HPSE2: variants seen among roughly 807,000 people sequenced by gnomAD.
HPSE2 encodes the protein inactive heparanase-2.
A neutral mutation model predicts 60.5 loss-of-function variants in HPSE2; 38 were observed. That is an observed-to-expected ratio of 0.63 (90% CI 0.48 to 0.82). The LOEUF (loss-of-function observed/expected upper bound fraction) is 0.82, where lower values mean the gene tolerates loss of function less well. Among genes scored for constraint, HPSE2 ranks in the 40% least tolerant of loss-of-function variants. HPSE2 has a pLI of 0.00. For synonymous variants in HPSE2, 295 were observed against 293.2 expected (o/e 1.01, Z -0.06); for missense variants, 713 against 740.4 (o/e 0.96, Z 0.43).
At chr10:98,924,039 G>T (rs1198293630) in intron 3 of HPSE2, among the ~76,000 whole-genome samples, 1 of 152,152 alleles carries the variant, frequency 6.6e-6, no homozygotes, top group Non-Finnish European at 1.5e-5. Flanking sequence ...ATTTGTGCCT[G>T]TCTTTCTTGG....
intron 11 of HPSE2, 114 bp downstream of exon 11, chr10:98,482,522 A>T: frequency 7.7e-7 from 1 of 1,306,578 alleles, no homozygotes; most frequent in Non-Finnish European, 1.1e-6. Flanking sequence ...TCTTTGTCCT[A>T]CTCCATCCCA....
At chr10:98,746,093 C>T (rs1318232138) in intron 3 of HPSE2, among the ~76,000 whole-genome samples, 1 of 138,512 alleles carries the variant, frequency 7.2e-6, no homozygotes, top group East Asian at 2.0e-4. Flanking sequence ...TTATATCATA[C>T]TCTACCCAGA....
Position 99,194,930 on chromosome 10 carries a change from A to T in HPSE2, c.448+37418T>A, listed in dbSNP as rs140712498. Among the ~76,000 whole-genome samples the T allele has an allele frequency of 8.5e-4, 129 of 152,048 alleles. 2 individuals are homozygous for T. The East Asian group carries it at 0.017, about 20-fold the overall frequency. On this transcript the variant is annotated intron_variant, in intron 2 of 11. Coordinates refer to ENST00000370552, the MANE Select transcript of HPSE2 (RefSeq NM_021828.5). ...TCTTGATACCAAAACCAGACATATTAAAAAAAGAAAACTACAGGCCAAAAT... is the reference window on the plus strand; with the variant it reads ...TCTTGATACCAAAACCAGACATATTTAAAAAAGAAAACTACAGGCCAAAAT...
At chr10:98,938,580 C>T (rs1281815283) in intron 3 of HPSE2, among the ~76,000 whole-genome samples, 1 of 143,822 alleles carries the variant, frequency 7.0e-6, no homozygotes, top group Non-Finnish European at 1.5e-5. Flanking sequence ...TAATATGGGA[C>T]TATGTGAAAA....
chr10:98,605,221 T>A (rs184168922), intron 9 of HPSE2, among the ~76,000 whole-genome samples: 168 of 152,318 alleles, frequency 1.1e-3, no homozygotes, highest in Admixed American at 2.2e-3. Context: ...ATTTATCAAG[T>A]ACTTCCTATG....
chr10:98,696,337 C>A (rs1948217253), intron 5 of HPSE2, among the ~76,000 whole-genome samples: 1 of 145,532 alleles, frequency 6.9e-6, no homozygotes, highest in African/African-American at 2.5e-5. Flanking sequence ...GCGAGCCAAT[C>A]CTGCACCAAC....
chr10:98,874,912 T>A (rs1453567807), intron 3 of HPSE2, among the ~76,000 whole-genome samples: 1 of 152,110 alleles, frequency 6.6e-6, no homozygotes, highest in African/African-American at 2.4e-5. Context: ...TAGATTACAT[T>A]TACTGATTTG....
At chr10:98,991,104 A>C (rs901913143) in intron 3 of HPSE2, among the ~76,000 whole-genome samples, 4 of 152,216 alleles carry the variant, frequency 2.6e-5, no homozygotes, top group Non-Finnish European at 5.9e-5. Context: ...CCCATTTTTT[A>C]AAAATGTCTA....
chr10:99,282,168 A>G, the HPSE2 span, among the ~76,000 whole-genome samples: 7 of 152,270 alleles, frequency 4.6e-5, no homozygotes, highest in Non-Finnish European at 1.0e-4. Flanking sequence ...TCGAGGCAGG[A>G]GAATGGCGTG....
chr10:98,648,152 C>G (rs1264647291), intron 6 of HPSE2, among the ~76,000 whole-genome samples: 11 of 152,326 alleles, frequency 7.2e-5, no homozygotes, highest in Admixed American at 7.2e-4. Context: ...TCTCCTAACT[C>G]TTTGCACACT....
chr10:98,720,756 G>T (rs1948902575), intron 5 of HPSE2, among the ~76,000 whole-genome samples: 2 of 152,122 alleles, frequency 1.3e-5, no homozygotes, highest in South Asian at 4.1e-4. Context: ...GGCAGACTTT[G>T]GTGCACTAAT....
intron 2 of HPSE2, among the ~76,000 whole-genome samples, chr10:99,221,144 C>T (rs919776537): frequency 6.6e-6 from 1 of 152,026 alleles, no homozygotes; most frequent in East Asian, 1.9e-4. Flanking sequence ...CGCACTTGGC[C>T]GGCTTTCAGT....
intron 3 of HPSE2, among the ~76,000 whole-genome samples, chr10:98,909,443 A>T (rs561628985): frequency 1.3e-5 from 2 of 151,870 alleles, no homozygotes; most frequent in South Asian, 2.1e-4. Flanking sequence ...AGTCTGGCCA[A>T]CATGGTGAAA....
chr10:99,091,211 A>G (rs1054314488), intron 3 of HPSE2, among the ~76,000 whole-genome samples: 15 of 152,200 alleles, frequency 9.9e-5, no homozygotes, highest in Admixed American at 6.5e-4. Flanking sequence ...CAAATTAAAA[A>G]TGAAACAGAA....
In HPSE2 at chr10:99,128,616, G is replaced by A. The variant is rs183888725; in HGVS notation, c.610+15622C>T. Among the ~76,000 whole-genome samples the A allele has an allele frequency of 2.7e-3, 413 of 152,220 alleles. 4 individuals carry two copies. Among genetic ancestry groups the A allele is most frequent in the East Asian group, 4.6e-3 (24 of 5,168 alleles). ...AAACACCATATGTTCTCACTTATAAGTGGGACCTAAACAGTGAGAACACCT... is the reference window on the plus strand; with the variant it reads ...AAACACCATATGTTCTCACTTATAAATGGGACCTAAACAGTGAGAACACCT... On this transcript the variant is annotated intron_variant, in intron 3 of 11. Transcript: ENST00000370552.
Position 98,958,122 on chromosome 10 carries a change from T to C in HPSE2, c.610+186116A>G, listed in dbSNP as rs150969376. On this transcript the variant is annotated intron_variant, in intron 3 of 11. Transcript: ENST00000370552. Reference sequence around the variant, plus strand: ...CTAAATTCCCAAGAGATTAGTAGGATTGTGAACAAAATAATGCCCTATAAG... The same window carrying C: ...CTAAATTCCCAAGAGATTAGTAGGACTGTGAACAAAATAATGCCCTATAAG... Among the ~76,000 whole-genome samples, 43 of 152,268 alleles carry C rather than the reference T, an allele frequency of 2.8e-4. No homozygotes were observed. The East Asian group carries it at 7.5e-3, about 27-fold the overall frequency.
chr10:99,030,269 C>T (rs1196994429), intron 3 of HPSE2, among the ~76,000 whole-genome samples: 2 of 152,164 alleles, frequency 1.3e-5, no homozygotes, highest in African/African-American at 4.8e-5. Context: ...AGCTCATGTC[C>T]TTGGTCTCTT....
At chr10:99,234,160 G>GAGC (rs1020653993) in intron 1 of HPSE2, among the ~76,000 whole-genome samples, 8 of 152,210 alleles carry the variant, frequency 5.3e-5, no homozygotes, top group Admixed American at 5.2e-4. Flanking sequence ...GGGCCGCGCG[G>GAGC]AGCTGGCTGT....
At chr10:98,852,936 A>G (rs967748692) in intron 3 of HPSE2, among the ~76,000 whole-genome samples, 1 of 152,230 alleles carries the variant, frequency 6.6e-6, no homozygotes, top group African/African-American at 2.4e-5. Context: ...ACCTATATGC[A>G]TATAACCTAC....
Sources: gnomAD v4.1 joint callset for allele counts (sites outside exome capture counted in the v4.1 genomes callset) on GRCh38, gnomAD v4.1.1 for gene constraint, MANE v1.5 for transcripts, NCBI Gene and HGNC (gene_info 2026-07-23, HGNC 2026-07-21) for gene names.